MSI2: variants seen among roughly 807,000 people sequenced by gnomAD.
The protein encoded by MSI2 is musashi RNA binding protein 2.
MSI2 carries 17 observed loss-of-function variants against 45.6 expected under a neutral mutation model. The observed-to-expected ratio is 0.37, with a 90% CI of 0.26 to 0.56. The LOEUF (loss-of-function observed/expected upper bound fraction) is 0.56. MSI2 is among the 20% of genes least tolerant of loss of function. MSI2 has a pLI of 0.77. For synonymous variants in MSI2, 156 were observed against 158.2 expected (o/e 0.99, Z 0.11); for missense variants, 293 against 444.2 (o/e 0.66, Z 3.06).
intron 10 of MSI2, among the ~76,000 whole-genome samples, chr17:57,640,284 G>C (rs1205106250): frequency 6.6e-6 from 1 of 152,192 alleles, no homozygotes; most frequent in Non-Finnish European, 1.5e-5. Context: ...GCCTCCTGCT[G>C]TCAGATTAAC....
intron 6 of MSI2, among the ~76,000 whole-genome samples, chr17:57,412,048 G>A (rs575624430): frequency 6.6e-6 from 1 of 151,868 alleles, no homozygotes; most frequent in African/African-American, 2.4e-5. Context: ...ACCTCTTTGA[G>A]GAAAGTCACT....
chr17:57,458,783 T>C (rs1299190349), intron 6 of MSI2, among the ~76,000 whole-genome samples: 1 of 152,176 alleles, frequency 6.6e-6, no homozygotes, highest in Non-Finnish European at 1.5e-5. Context: ...TTGTTCAAGG[T>C]GGGATACAGG....
chr17:57,441,207 T>C (rs1013216459), intron 6 of MSI2, among the ~76,000 whole-genome samples: 3 of 152,316 alleles, frequency 2.0e-5, no homozygotes, highest in African/African-American at 2.4e-5. Flanking sequence ...GAGGACAAGA[T>C]GGCTGACCAA....
intron 5 of MSI2, among the ~76,000 whole-genome samples, chr17:57,348,064 C>T (rs1598153784): frequency 1.3e-5 from 2 of 152,192 alleles, no homozygotes; most frequent in African/African-American, 4.8e-5. Context: ...ATGCACACAT[C>T]GCATTAGAAG....
intron 5 of MSI2, among the ~76,000 whole-genome samples, chr17:57,357,939 GTACAGCCCCATCTCCTTTCT>G (rs1401994696): frequency 6.6e-6 from 1 of 152,014 alleles, no homozygotes; most frequent in African/African-American, 2.4e-5. Context: ...CAGGATCTCT[GTACAGCCCCATCTCCTTTCT>G]GAGGTCTTGT....
intron 6 of MSI2, among the ~76,000 whole-genome samples, chr17:57,427,353 G>T (rs541750848): frequency 6.6e-6 from 1 of 151,896 alleles, no homozygotes; most frequent in Non-Finnish European, 1.5e-5. Flanking sequence ...AGCGGAGATC[G>T]CACCACTGCA....
chr17:57,450,689 A>AG (rs972139526), intron 6 of MSI2, among the ~76,000 whole-genome samples: 1 of 150,870 alleles, frequency 6.6e-6, no homozygotes, highest in Non-Finnish European at 1.5e-5. Flanking sequence ...AAAAAAAAAA[A>AG]AAAAAAAAGG....
intron 11 of MSI2, among the ~76,000 whole-genome samples, chr17:57,668,676 C>G (rs1425149227): frequency 6.6e-6 from 1 of 152,142 alleles, no homozygotes; most frequent in Non-Finnish European, 1.5e-5. Flanking sequence ...CCAGATACAT[C>G]AAGACTAGCA....
intron 10 of MSI2, among the ~76,000 whole-genome samples, chr17:57,642,802 C>G (rs1910359285): frequency 6.6e-6 from 1 of 152,200 alleles, no homozygotes; most frequent in African/African-American, 2.4e-5. Context: ...GTTATCAGTT[C>G]TGCTGCAGCT....
Position 57,407,585 on chromosome 17 carries a change from G to C in MSI2, c.405+6114G>C, listed in dbSNP as rs963810301. 5.3e-5 allele frequency among the ~76,000 whole-genome samples: 8 copies of C among 152,296 alleles called. No individual in the cohort carries two copies. Among genetic ancestry groups the C allele is most frequent in the Non-Finnish European group, 1.0e-4 (7 of 68,020 alleles). ...GACATCTGAGCTCCCGTGAGGCTTT[G>C]TCCTCTGAAGTGGTTCATGTAGGTG... On this transcript the variant is annotated intron_variant, in intron 6 of 13. Transcript: ENST00000284073. This position sits in a 1 kb window ranked among gnomAD's most constrained non-coding sequence, Gnocchi z 4.1.
At chr17:57,556,250 T>A (rs1280518835) in intron 7 of MSI2, among the ~76,000 whole-genome samples, 3 of 152,180 alleles carry the variant, frequency 2.0e-5, no homozygotes, top group Non-Finnish European at 4.4e-5. Flanking sequence ...GATAATCCGT[T>A]TAGGTCTGGC....
At chr17:57,494,967 G>A (rs1022299533) in intron 6 of MSI2, among the ~76,000 whole-genome samples, 2 of 152,088 alleles carry the variant, frequency 1.3e-5, no homozygotes, top group East Asian at 3.9e-4. Flanking sequence ...AACGGTAGGA[G>A]CCACTTAAAA....
At chr17:57,484,297 T>G (rs781055144) in intron 6 of MSI2, among the ~76,000 whole-genome samples, 21 of 152,300 alleles carry the variant, frequency 1.4e-4, no homozygotes, top group Admixed American at 6.5e-4. Context: ...TTTAGGTGAG[T>G]GGGTCCATGT....
chr17:57,508,314 C>T (rs1384056579), intron 6 of MSI2, among the ~76,000 whole-genome samples: 4 of 152,160 alleles, frequency 2.6e-5, no homozygotes, highest in African/African-American at 4.8e-5. Context: ...GCAGACTTCC[C>T]GGACCTCCAG....
Position 57,509,355 on chromosome 17 carries a change from C to T in MSI2, c.406-20321C>T, listed in dbSNP as rs373560327. Among the ~76,000 whole-genome samples the T allele has an allele frequency of 5.9e-3, 901 of 152,192 alleles. 3 individuals are homozygous for T. The highest frequency in any genetic ancestry group is 9.9e-3 in the Non-Finnish European group (675 of 68,010). ...CAGGGAGAATTTGTGTGCGTTATGC[C>T]GCCCACAAATGGAAGAATATTGAGT... On this transcript the variant is annotated intron_variant, in intron 6 of 13. Transcript: ENST00000284073.
At chr17:57,476,677 C>T (rs988413521) in intron 6 of MSI2, among the ~76,000 whole-genome samples, 3 of 152,180 alleles carry the variant, frequency 2.0e-5, no homozygotes, top group Non-Finnish European at 4.4e-5. Context: ...AGGACCTCAG[C>T]GTGGCTGAGG....
intron 6 of MSI2, among the ~76,000 whole-genome samples, chr17:57,428,319 C>T (rs1171729192): frequency 6.6e-6 from 1 of 152,134 alleles, no homozygotes; most frequent in Non-Finnish European, 1.5e-5. Flanking sequence ...CATCTCTGGG[C>T]TCAAGCAATC....
At chr17:57,347,904 C>T (rs1382322415) in intron 5 of MSI2, among the ~76,000 whole-genome samples, 1 of 152,224 alleles carries the variant, frequency 6.6e-6, no homozygotes, top group African/African-American at 2.4e-5. Flanking sequence ...GTGCCCTTTG[C>T]CAGGCCCTGG....
Position 57,544,431 on chromosome 17 carries a change from A to G in MSI2, c.454+14707A>G, listed in dbSNP as rs142113680. Among the ~76,000 whole-genome samples the G allele has an allele frequency of 4.4e-3, 666 of 152,280 alleles. 5 individuals carry two copies. Among genetic ancestry groups the G allele is most frequent in the African/African-American group, 0.014 (570 of 41,534 alleles). Reference sequence around the variant, plus strand: ...ATCAGAAATGGCACCTCCTGGGTTCATCCCCTCTTTTCTTTTCTTTATAAG... The same window carrying G: ...ATCAGAAATGGCACCTCCTGGGTTCGTCCCCTCTTTTCTTTTCTTTATAAG... On this transcript the variant is annotated intron_variant, in intron 7 of 13. Transcript: ENST00000284073.
Sources: gnomAD v4.1 joint callset for allele counts (sites outside exome capture counted in the v4.1 genomes callset) on GRCh38, gnomAD v4.1.1 for gene constraint, Gnocchi (gnomAD v3.1) non-coding constraint, MANE v1.5 for transcripts, NCBI Gene and HGNC (gene_info 2026-07-23, HGNC 2026-07-21) for gene names.